MYO6: variants seen among roughly 807,000 people sequenced by gnomAD.
MYO6 encodes unconventional myosin-VI.
MYO6 carries 74 observed loss-of-function variants against 178.7 expected under a neutral mutation model. That is an observed-to-expected ratio of 0.41 (90% CI 0.34 to 0.50). The LOEUF (loss-of-function observed/expected upper bound fraction) is 0.50. MYO6 is among the 20% of genes least tolerant of loss of function. The pLI, the probability that MYO6 is intolerant of heterozygous loss-of-function variation, is 0.09. For synonymous variants in MYO6, 477 were observed against 504.6 expected, an observed-to-expected ratio of 0.95 and a Z score of 0.73; for missense variants, 1,330 against 1,547.4, an observed-to-expected ratio of 0.86 and a Z score of 2.36.
chr6:75,767,105 C>G (rs961573122), intron 1 of MYO6, among the ~76,000 whole-genome samples: 1 of 151,932 alleles, frequency 6.6e-6, no homozygotes, highest in African/African-American at 2.4e-5. Flanking sequence ...GGCTCACTGC[C>G]ACCTCTGCCT....
At chr6:75,797,912 A>G (rs1229755279) in intron 1 of MYO6, among the ~76,000 whole-genome samples, 1 of 152,194 alleles carries the variant, frequency 6.6e-6, no homozygotes, top group African/African-American at 2.4e-5. Flanking sequence ...AACCAACAGT[A>G]TATAAGCATT....
chr6:75,905,400 T>A (rs891312239), intron 30 of MYO6, among the ~76,000 whole-genome samples: 165 of 152,360 alleles, frequency 1.1e-3, no homozygotes, highest in African/African-American at 3.8e-3. Flanking sequence ...CCGAGCCATG[T>A]GCGGGATATA....
chr6:75,881,704 C>T lies in MYO6; in HGVS notation c.2302C>T (p.Gln768Ter). Residue 768 changes from glutamine to a stop codon, truncating the protein, a stop_gained, in exon 23 of 35, where the codon CAG becomes TAG. Transcript: ENST00000369977. LOFTEE classifies it high-confidence loss of function. ...CACTTCCTAGTTTGCAGAATTTGAT[C>T]AGATCATGAAGTCTGACCCTGACCA... The part of the protein sequence containing the change: ...FRPGKFAEFD[Q>*]IMKSDPDHLA... The T allele has an allele frequency of 6.2e-7, 1 of 1,613,686 alleles. No individual in the cohort carries two copies. Among genetic ancestry groups the T allele is most frequent in the Non-Finnish European group, 8.5e-7 (1 of 1,179,702 alleles).
intron 10 of MYO6, among the ~76,000 whole-genome samples, chr6:75,846,903 G>A (rs969456783): frequency 3.8e-4 from 58 of 152,168 alleles, no homozygotes; most frequent in Middle Eastern, 3.4e-3. Context: ...TTGAGTGTGC[G>A]TTTATATGTA....
intron 1 of MYO6, among the ~76,000 whole-genome samples, chr6:75,805,542 C>CT (rs1448330476): frequency 6.6e-6 from 1 of 152,092 alleles, no homozygotes; most frequent in African/African-American, 2.4e-5. Context: ...TACTTTTAAC[C>CT]TTTTGACACA....
chr6:75,837,272 T>C (rs1773734499), intron 7 of MYO6, among the ~76,000 whole-genome samples: 1 of 152,258 alleles, frequency 6.6e-6, no homozygotes, highest in Admixed American at 6.5e-5. Context: ...TTATCCCTAC[T>C]TTAAAGATGA....
chr6:75,906,505 A>G (rs963584635), intron 30 of MYO6, among the ~76,000 whole-genome samples: 4 of 151,954 alleles, frequency 2.6e-5, no homozygotes, highest in African/African-American at 9.7e-5. Context: ...GCAAGACCCC[A>G]TCTCTACAAA....
At chr6:75,813,734 G>T (rs1025432082) in intron 1 of MYO6, among the ~76,000 whole-genome samples, 8 of 152,186 alleles carry the variant, frequency 5.3e-5, no homozygotes, top group Non-Finnish European at 1.5e-5. Flanking sequence ...GGCCCCAGGG[G>T]CTCTTTAGTC....
intron 16 of MYO6, chr6:75,865,381 T>TTTTTTGG (rs1776570233): frequency 6.9e-6 from 1 of 145,094 alleles, no homozygotes; most frequent in African/African-American, 2.6e-5. Flanking sequence ...TTTTTTTTTT[T>TTTTTTGG]GAGACAGGGT....
rs773409763 is a variant in MYO6 at position 75,828,566 on chromosome 6, A to G, written c.214A>G (p.Thr72Ala). The G allele has an allele frequency of 1.6e-5, 25 of 1,581,550 alleles. No individual in the cohort carries two copies. The highest frequency in any genetic ancestry group is 2.2e-5 in the Non-Finnish European group (25 of 1,150,902). The change falls in exon 4 of 35, where the codon ACA (threonine) becomes GCA (alanine). Residue 72 changes from threonine to alanine, a missense_variant. Around this residue, in one of 3 missense-constraint regions of MYO6, gnomAD observed 116 missense variants for 104.6 expected, o/e 1.11. Transcript: ENST00000369977. ...NCSLMYLNEA[T>A]LLHNIKVRYS... ...TTCACTAATGTATTTAAATGAAGCC[A>G]CACTGCTCCATAATATCAAAGTTCG... is the stretch of plus-strand genomic sequence containing the variant.
chr6:75,871,989 C>A lies in MYO6; in HGVS notation c.1984-1218C>A, dbSNP rs976846058. Among the ~76,000 whole-genome samples, 37 of 151,884 alleles carry A rather than the reference C, an allele frequency of 2.4e-4. 1 individual carries two copies. The highest frequency in any genetic ancestry group is 8.9e-4 in the African/African-American group (37 of 41,346). On this transcript the variant is annotated intron_variant, in intron 19 of 34. Coordinates refer to ENST00000369977, the MANE Select transcript of MYO6 (RefSeq NM_004999.4). ...TAAAAAAATACAAAAATTAGCTGGG[C>A]ATGGTGGGGCGCACTTGTAATCCTA...
chr6:75,862,808 A>G (rs1776314012), intron 16 of MYO6, 85 bp downstream of exon 16: 1 of 1,487,612 alleles, frequency 6.7e-7, no homozygotes, highest in African/African-American at 1.4e-5. Flanking sequence ...ATTACTAGAT[A>G]ATTAGAATAA....
intron 1 of MYO6, among the ~76,000 whole-genome samples, chr6:75,785,826 TA>T (rs1285772507): frequency 2.6e-5 from 4 of 152,092 alleles, no homozygotes; most frequent in Non-Finnish European, 5.9e-5. Context: ...CCGTGGCATT[TA>T]TTGAAAAGTT....
intron 1 of MYO6, among the ~76,000 whole-genome samples, chr6:75,809,796 C>G (rs1018838115): frequency 2.0e-5 from 3 of 150,714 alleles, no homozygotes; most frequent in African/African-American, 2.4e-5. Flanking sequence ...GGCGTGCTGG[C>G]TGAGGCTTGT....
intron 1 of MYO6, among the ~76,000 whole-genome samples, chr6:75,809,424 C>A (rs1199004001): frequency 6.6e-6 from 1 of 152,110 alleles, no homozygotes; most frequent in Non-Finnish European, 1.5e-5. Context: ...ATGGAAAAAG[C>A]AAACTGTAAA....
At chr6:75,822,885 A>C in intron 3 of MYO6, 34 bp downstream of exon 3, 1 of 1,497,550 alleles carries the variant, frequency 6.7e-7, no homozygotes, top group Non-Finnish European at 9.3e-7. Context: ...CTCTCCGCAC[A>C]GAAAAGGAGA....
intron 22 of MYO6, 94 bp downstream of exon 22, chr6:75,880,214 T>A (rs907488156): frequency 3.1e-6 from 3 of 969,842 alleles, no homozygotes; most frequent in Non-Finnish European, 3.1e-6. Context: ...TTTGTATTAT[T>A]CTTGAATTAT....
At chr6:75,886,199 C>T in intron 24 of MYO6, 105 bp downstream of exon 24, 5 of 730,134 alleles carry the variant, frequency 6.8e-6, no homozygotes, top group Non-Finnish European at 1.2e-5. Flanking sequence ...CAGGTTTTCT[C>T]ATGTTCTTTG....
chr6:75,878,075 A>G (rs1777711291), intron 20 of MYO6, among the ~76,000 whole-genome samples: 1 of 152,186 alleles, frequency 6.6e-6, no homozygotes, highest in Admixed American at 6.5e-5. Context: ...TTTTCCCCAT[A>G]CGAATGATTT....
Sources: gnomAD v4.1 joint callset for allele counts (sites outside exome capture counted in the v4.1 genomes callset) on GRCh38, gnomAD v4.1.1 for gene constraint, gnomAD v4.1.1 regional missense constraint, MANE v1.5 for transcripts, NCBI Gene and HGNC (gene_info 2026-07-23, HGNC 2026-07-21) for gene names.